Variants in WASF1 observed in about 807,000 individuals in gnomAD.
WASF1 encodes WASP family member 1.
Under a neutral mutation model 50.5 loss-of-function variants are expected in WASF1, and 7 were observed. The ratio of observed to expected loss-of-function variants is 0.14; its 90% CI spans 0.08 to 0.26. The LOEUF is 0.26. Ranked by LOEUF, WASF1 falls within the 10% of genes least tolerant of loss-of-function variation. WASF1 has a pLI of 1.00. For synonymous variants in WASF1, 205 were observed against 244.0 expected (o/e 0.84, Z 1.49); for missense variants, 470 against 694.7 (o/e 0.68, Z 3.64).
chr6:110,135,961 G>C (rs1045732390), intron 3 of WASF1, among the ~76,000 whole-genome samples: 2 of 135,448 alleles, frequency 1.5e-5, no homozygotes, highest in Non-Finnish European at 3.0e-5. Context: ...TCAACTCACT[G>C]CAAGCTCCGC....
At chr6:110,104,586 C>A (rs1323331395) in intron 8 of WASF1, among the ~76,000 whole-genome samples, 4 of 152,090 alleles carry the variant, frequency 2.6e-5, no homozygotes, top group Admixed American at 2.6e-4. Flanking sequence ...GTCATGAGTT[C>A]AAGATCAGCC....
At chr6:110,158,573 C>T (rs1776124807) in intron 3 of WASF1, among the ~76,000 whole-genome samples, 1 of 151,844 alleles carries the variant, frequency 6.6e-6, no homozygotes, top group African/African-American at 2.4e-5. Context: ...CCCTAAAGTG[C>T]CTTCTTGTTT....
rs577534081 is a variant in WASF1, at chr6:110,164,514, T to C, written c.-126-3782A>G. Among the ~76,000 whole-genome samples, 4 of 151,728 alleles carry C rather than the reference T, an allele frequency of 2.6e-5. No individual in the cohort carries two copies. In the East Asian group the frequency reaches 7.8e-4, roughly 29 times the overall value. ...GGGAATTGCAAATTAAAACGAGATA[T>C]TGCTACATGCCTATTAGAATGGCCA... On this transcript the variant is annotated intron_variant, in intron 2 of 10. Transcript: ENST00000392589.
In WASF1 at chr6:110,142,952, TAAAAAAAAAA is replaced by T. The variant is rs5879060; in HGVS notation, c.-28-15333_-28-15324del. On this transcript the variant is annotated intron_variant, in intron 3 of 10. Transcript: ENST00000392589. ...AAAGTAATTTGGTTTCCCAATGATG[TAAAAAAAAAA>T]AAAAAAAAAAACTAAAGCAATTCCC... 1.0e-4 allele frequency among the ~76,000 whole-genome samples: 12 copies of T among 119,148 alleles called. 1 individual carries two copies. Among genetic ancestry groups the T allele is most frequent in the African/African-American group, 2.7e-4 (8 of 29,950 alleles). The allele number at this position is 119,148 out of a possible 152,430, so 78.2% of individuals were successfully genotyped here.
intron 3 of WASF1, among the ~76,000 whole-genome samples, chr6:110,148,335 C>T (rs571509420): frequency 6.6e-6 from 1 of 152,002 alleles, no homozygotes; most frequent in Admixed American, 6.6e-5. Context: ...ACCAAACAAT[C>T]CCCCGTGTAT....
intron 2 of WASF1, among the ~76,000 whole-genome samples, chr6:110,161,816 C>T (rs547203029): frequency 1.3e-5 from 2 of 151,478 alleles, no homozygotes; most frequent in African/African-American, 4.8e-5. Flanking sequence ...AGAACCAAGG[C>T]CCAGCCTTAA....
At chr6:110,113,533 G>A in intron 4 of WASF1, 73 bp from the exon 5 acceptor site, 1 of 1,346,340 alleles carries the variant, frequency 7.4e-7, no homozygotes, top group East Asian at 2.5e-5. Context: ...GCAAGCAGTA[G>A]AAATCTAGCA....
chr6:110,146,779 G>A (rs1775583618), intron 3 of WASF1, among the ~76,000 whole-genome samples: 1 of 152,096 alleles, frequency 6.6e-6, no homozygotes. Flanking sequence ...ATAGAAGCTT[G>A]TGTTTCTTGT....
intron 2 of WASF1, among the ~76,000 whole-genome samples, chr6:110,161,662 CCATTCCTTGCCATT>C (rs1287167444): frequency 6.6e-6 from 1 of 151,422 alleles, no homozygotes; most frequent in Non-Finnish European, 1.5e-5. Context: ...TAGGAATCAC[CCATTCCTTGCCATT>C]CAGCAAAAAA....
At chr6:110,111,760 T>C (rs1428149749) in intron 5 of WASF1, among the ~76,000 whole-genome samples, 1 of 152,128 alleles carries the variant, frequency 6.6e-6, no homozygotes, top group African/African-American at 2.4e-5. Flanking sequence ...GATCAGTGAT[T>C]GCTAGGGGTT....
chr6:110,134,390 G>T (rs2114533778), intron 3 of WASF1, among the ~76,000 whole-genome samples: 1 of 150,868 alleles, frequency 6.6e-6, no homozygotes, highest in Admixed American at 6.6e-5. Context: ...TTATTTCTGG[G>T]TTCTCTATTC....
Position 110,108,406 on chromosome 6 carries a change from T to C in WASF1, c.422+122A>G. 3 of 947,084 alleles carry C rather than the reference T, an allele frequency of 3.2e-6. No homozygotes were observed. In the South Asian group the frequency reaches 7.1e-5, roughly 22 times the overall value. The allele number at this position is 947,084 out of a possible 1,614,324, so 58.7% of individuals were successfully genotyped here. ...AAAAGCAAAGGTTTTCCAAAGGTGGTGGACAGAGAGGGCTCTCTGTGTTGG... is the reference window on the plus strand; with the variant it reads ...AAAAGCAAAGGTTTTCCAAAGGTGGCGGACAGAGAGGGCTCTCTGTGTTGG... On this transcript the variant is annotated intron_variant, in intron 6 of 10. Transcript: ENST00000392589.
At chr6:110,163,798 C>T (rs1776359789) in intron 2 of WASF1, among the ~76,000 whole-genome samples, 1 of 151,518 alleles carries the variant, frequency 6.6e-6, no homozygotes, top group African/African-American at 2.4e-5. Context: ...AGGACTGACA[C>T]TATGCAACCT....
chr6:110,140,231 GAGCTTCCAGAGAGGTA>G (rs1310538981), intron 3 of WASF1, among the ~76,000 whole-genome samples: 1 of 152,226 alleles, frequency 6.6e-6, no homozygotes, highest in East Asian at 1.9e-4. Context: ...TGGGTCTGGA[GAGCTTCCAGAGAGGTA>G]AACACATGGA....
At chr6:110,135,721 C>CTTTTTTTT (rs139834112) in intron 3 of WASF1, among the ~76,000 whole-genome samples, 2 of 73,518 alleles carry the variant, frequency 2.7e-5, no homozygotes, top group Non-Finnish European at 5.2e-5. Flanking sequence ...GGAAGATTAT[C>CTTTTTTTT]TTTTTTTTTT....
At position 110,142,952 on chromosome 6, in the gene WASF1, T is replaced by TAAAAAAAAAAAAAAA. The variant is rs5879060; in HGVS notation, c.-28-15338_-28-15324dup. Among the ~76,000 whole-genome samples the TAAAAAAAAAAAAAAA allele has an allele frequency of 3.8e-3, 451 of 118,932 alleles. 8 individuals are homozygous for TAAAAAAAAAAAAAAA. Among genetic ancestry groups the TAAAAAAAAAAAAAAA allele is most frequent in the African/African-American group, 0.01 (299 of 29,810 alleles). The allele number at this position is 118,932 out of a possible 152,430, so 78.0% of individuals were successfully genotyped here. On this transcript the variant is annotated intron_variant, in intron 3 of 10. Coordinates refer to ENST00000392589, the MANE Select transcript of WASF1 (RefSeq NM_003931.3). ...AAAGTAATTTGGTTTCCCAATGATG[T>TAAAAAAAAAAAAAAA]AAAAAAAAAAAAAAAAAAAAACTAA... is the stretch of plus-strand genomic sequence containing the variant.
intron 8 of WASF1, 150 bp from the exon 9 acceptor site, chr6:110,103,707 C>T: frequency 1.4e-6 from 1 of 728,092 alleles, no homozygotes; most frequent in Non-Finnish European, 2.1e-6. Flanking sequence ...TATATTAATC[C>T]TGCTTTTAAA....
intron 4 of WASF1, among the ~76,000 whole-genome samples, chr6:110,113,865 T>C (rs1322947707): frequency 1.4e-5 from 2 of 141,976 alleles, no homozygotes; most frequent in Non-Finnish European, 3.0e-5. Context: ...TACCACAAAA[T>C]ATACAGAAAT....
chr6:110,122,313 G>A (rs755543152), intron 4 of WASF1, among the ~76,000 whole-genome samples: 6 of 150,820 alleles, frequency 4.0e-5, no homozygotes, highest in Non-Finnish European at 7.4e-5. Context: ...TGGCAAAAGC[G>A]TTCCAATTAT....
Sources: gnomAD v4.1 joint callset for allele counts (sites outside exome capture counted in the v4.1 genomes callset) on GRCh38, gnomAD v4.1.1 for gene constraint, MANE v1.5 for transcripts, NCBI Gene and HGNC (gene_info 2026-07-23, HGNC 2026-07-21) for gene names.